The following TAF1D variants were observed in gnomAD, a reference collection of about 807,000 sequenced individuals.
The protein encoded by TAF1D is TATA box-binding protein-associated factor RNA polymerase I subunit D.
A neutral mutation model predicts 26.2 loss-of-function variants in TAF1D; 23 were observed. That is an observed-to-expected ratio of 0.88 (90% CI 0.63 to 1.25). The LOEUF (loss-of-function observed/expected upper bound fraction) is 1.25. Ranked by LOEUF, TAF1D falls within the 50% of genes most tolerant of loss-of-function variation. TAF1D has a pLI of 0.00. For synonymous variants in TAF1D, 100 were observed against 105.6 expected (o/e 0.95, Z 0.33); for missense variants, 299 against 322.0 (o/e 0.93, Z 0.55).
In TAF1D at chr11:93,736,723, C is replaced by T; in HGVS notation, c.664G>A (p.Glu222Lys). ...TAEDEDATHL[E>K]DNECDIKLAG... ...AATTTGATATCACATTCGTTATCTTCAAGATGTGTTGCATCCTCATCCTCT... is the reference window on the plus strand; with the variant it reads ...AATTTGATATCACATTCGTTATCTTTAAGATGTGTTGCATCCTCATCCTCT... Residue 222 changes from glutamate to lysine, a missense_variant, in exon 5 of 6, where the codon GAA (glutamate) becomes AAA (lysine). By Grantham distance (56) the Glu-to-Lys change is moderately conservative. Coordinates refer to ENST00000448108, the MANE Select transcript of TAF1D (RefSeq NM_024116.4). The T allele has an allele frequency of 1.2e-6, 2 of 1,611,364 alleles. No individual in the cohort carries two copies. The highest frequency in any genetic ancestry group is 1.7e-6 in the Non-Finnish European group (2 of 1,179,282).
At chr11:93,732,216 CAGAATCAAT>C (rs1038625841), downstream of TAF1D, 2 of 484,280 alleles carry the variant, frequency 4.1e-6, no homozygotes, top group Non-Finnish European at 8.3e-6. Flanking sequence ...GGGAAACAAG[CAGAATCAAT>C]AGAAACAGAG....
At chr11:93,736,978 C>CT in intron 4 of TAF1D, 86 bp downstream of exon 4, 9 of 1,262,802 alleles carry the variant, frequency 7.1e-6, no homozygotes, top group Non-Finnish European at 1.1e-6. Flanking sequence ...TTAAGTATAA[C>CT]TATATTAAAG....
At chr11:93,741,206 G>A (rs1565248135) in intron 1 of TAF1D, 116 bp downstream of exon 1, 9 of 412,304 alleles carry the variant, frequency 2.2e-5, no homozygotes, top group Non-Finnish European at 4.3e-5. Flanking sequence ...CACCCTCTCG[G>A]ACCGACTTCG....
At chr11:93,738,781 A>C (rs1591290486) in intron 2 of TAF1D, among the ~76,000 whole-genome samples, 2 of 152,290 alleles carry the variant, frequency 1.3e-5, no homozygotes, top group Admixed American at 6.5e-5. Flanking sequence ...CTGCAACCTC[A>C]AACTCCTGGA....
Position 93,736,035 on chromosome 11 carries a change from T to A in TAF1D, c.*126A>T, listed in dbSNP as rs1325919557. 10 of 1,433,652 alleles carry A rather than the reference T, an allele frequency of 7.0e-6. No homozygotes were observed. Among genetic ancestry groups the A allele is most frequent in the Non-Finnish European group, 9.1e-6 (10 of 1,097,356 alleles). The allele number at this position is 1,433,652 out of a possible 1,614,324, so 88.8% of individuals were successfully genotyped here. A position where few individuals can be genotyped will look rare whatever the true frequency, so the allele number is the denominator to read the frequency against. ...TCACAGGGTTAAAAATTTTTTTTCT[T>A]GTTATAAAGTTCTGGGTTTCAGAAT... On this transcript the variant is annotated 3_prime_UTR_variant, in exon 6 of 6. Transcript: ENST00000448108.
chr11:93,739,002 A>G, intron 2 of TAF1D: 1 of 528,422 alleles, frequency 1.9e-6, no homozygotes, highest in East Asian at 3.3e-5. Context: ...AGATGCTAAT[A>G]TGACCCAAAG....
At chr11:93,738,621 A>T (rs1012664883) in intron 2 of TAF1D, 122 bp from the exon 3 acceptor site, 2 of 1,056,606 alleles carry the variant, frequency 1.9e-6, no homozygotes, top group East Asian at 2.7e-5. Flanking sequence ...AGAATTAAAA[A>T]TTTTTTAAAG....
intron 1 of TAF1D, 66 bp downstream of exon 1, chr11:93,741,256 A>G: frequency 2.2e-6 from 1 of 451,652 alleles, no homozygotes; most frequent in Non-Finnish European, 4.4e-6. Flanking sequence ...GCCCCGGGAA[A>G]CCCCAGATAT....
intron 1 of TAF1D, 95 bp downstream of exon 1, chr11:93,741,227 C>T: frequency 4.6e-6 from 2 of 434,798 alleles, no homozygotes; most frequent in South Asian, 1.6e-5. Context: ...GAGTCTCGAT[C>T]CTCCGGACCA....
downstream of TAF1D, chr11:93,734,773 G>GA: frequency 7.9e-7 from 1 of 1,262,934 alleles, no homozygotes; most frequent in Non-Finnish European, 1.0e-6. Context: ...TACAGGCCTG[G>GA]AATCAACCTT....
Position 93,738,100 on chromosome 11 carries a change from C to T in TAF1D, c.459+9G>A. On this transcript the variant is annotated intron_variant, in intron 3 of 5. Transcript: ENST00000448108. Reference sequence around the variant, plus strand: ...TATGTGTAGCCATGTATGTAAAATGCTGACTCACCTCAAACGTTAAAATTT... The same window carrying T: ...TATGTGTAGCCATGTATGTAAAATGTTGACTCACCTCAAACGTTAAAATTT... 6.5e-7 allele frequency: 1 copy of T among 1,539,552 alleles called. No individual in the cohort carries two copies. Among genetic ancestry groups the T allele is most frequent in the Non-Finnish European group, 8.7e-7 (1 of 1,152,416 alleles).
intron 4 of TAF1D, 46 bp downstream of exon 4, chr11:93,737,018 T>G (rs771445353): frequency 2.7e-6 from 4 of 1,457,280 alleles, no homozygotes; most frequent in Admixed American, 5.2e-5. Flanking sequence ...ACATAGAAAT[T>G]TAATTTATAA....
chr11:93,736,301 C>T lies in TAF1D; in HGVS notation c.697G>A (p.Asp233Asn), dbSNP rs748548785. 3 of 1,598,734 alleles carry T rather than the reference C, an allele frequency of 1.9e-6. No homozygotes were observed. The highest frequency in any genetic ancestry group is 2.6e-6 in the Non-Finnish European group (3 of 1,176,028). The change falls in exon 6 of 6, where the codon GAT becomes AAT. Residue 233 changes from aspartate (D) to asparagine (N), a missense_variant. Physicochemically the swap from Asp to Asn is conservative, Grantham distance 23. Coordinates refer to ENST00000448108, the MANE Select transcript of TAF1D (RefSeq NM_024116.4). ...AATTCAGAACTTACTATGAAACTAT[C>T]CCCCTGCATAAAACAAACAAAAAAT... is the stretch of plus-strand genomic sequence containing the variant. Reference protein sequence around the residue: ...DNECDIKLAGDSFIVSSEFPV... With the variant: ...DNECDIKLAGNSFIVSSEFPV...
chr11:93,733,635 A>G (rs766363267), downstream of TAF1D: 4 of 500,692 alleles, frequency 8.0e-6, no homozygotes, highest in Admixed American at 8.5e-5. Flanking sequence ...TTAAAGACAC[A>G]GGATCTGCCA....
chr11:93,731,831 A>G (rs1011538032), downstream of TAF1D: 5 of 352,446 alleles, frequency 1.4e-5, no homozygotes, highest in Non-Finnish European at 2.8e-5. Flanking sequence ...GTACAGTTAC[A>G]TTTTGACACC....
chr11:93,731,426 A>G (rs141771336), downstream of TAF1D: 282 of 503,220 alleles, frequency 5.6e-4, 1 homozygote, highest in African/African-American at 5.0e-3. Context: ...AATTTGCTCT[A>G]TGATCATGTT....
Position 93,738,361 on chromosome 11 carries a change from A to C in TAF1D, c.207T>G (p.Ser69=), listed in dbSNP as rs780180044. Residue 69 remains serine (S), a synonymous_variant, in exon 3 of 6, where the codon TCT becomes TCG. Coordinates refer to ENST00000448108, the MANE Select transcript of TAF1D (RefSeq NM_024116.4). The part of the protein sequence containing the change: ...VHASDSSSDS[S]FEPIPLTIKA... ...TTATAGTCAATGGTATTGGTTCAAA[A>C]GATGAGTCACTTGATGAATCACTTG... The C allele has an allele frequency of 6.2e-7, 1 of 1,613,948 alleles. No individual in the cohort carries two copies. The highest frequency in any genetic ancestry group is 1.3e-5 in the African/African-American group (1 of 75,024).
At chr11:93,735,360 GAACT>G (rs971767075), downstream of TAF1D, 21 of 1,080,388 alleles carry the variant, frequency 1.9e-5, no homozygotes, top group Admixed American at 8.4e-4. Flanking sequence ...GCCTTTTCTT[GAACT>G]AATAAAAAGT....
chr11:93,734,290 TTATAC>T (rs1940175656), downstream of TAF1D: 1 of 193,752 alleles, frequency 5.2e-6, no homozygotes, highest in African/African-American at 2.4e-5. Context: ...TCATCTTTTA[TTATAC>T]TATATTTTGC....
Sources: gnomAD v4.1 joint callset for allele counts (sites outside exome capture counted in the v4.1 genomes callset) on GRCh38, gnomAD v4.1.1 for gene constraint, MANE v1.5 for transcripts, NCBI Gene and HGNC (gene_info 2026-07-23, HGNC 2026-07-21) for gene names.